Variants in MECOM observed in about 807,000 individuals in gnomAD.
The protein encoded by MECOM is histone-lysine N-methyltransferase MECOM.
Under a neutral mutation model 116.3 loss-of-function variants are expected in MECOM, and 13 were observed. The observed-to-expected ratio is 0.11, with a 90% confidence interval of 0.07 to 0.18. MECOM has a LOEUF of 0.18. Among genes scored for constraint, MECOM ranks in the 10% least tolerant of loss-of-function variants. MECOM has a pLI of 1.00. For missense variants in MECOM, 1,299 were observed against 1,509.0 expected, an observed-to-expected ratio of 0.86 and a Z score of 2.31; for synonymous variants, 528 against 535.2, an observed-to-expected ratio of 0.99 and a Z score of 0.19.
intron 1 of MECOM, among the ~76,000 whole-genome samples, chr3:169,640,671 A>G (rs1279940638): frequency 1.3e-5 from 2 of 152,220 alleles, no homozygotes; most frequent in Non-Finnish European, 2.9e-5. Context: ...TGGAAACATC[A>G]CCACACCCTT....
At chr3:169,087,767 G>GT (rs1052734824) in intron 16 of MECOM, among the ~76,000 whole-genome samples, 3 of 152,040 alleles carry the variant, frequency 2.0e-5, no homozygotes, top group Non-Finnish European at 4.4e-5. Flanking sequence ...TACCTTTAAT[G>GT]TTAAAAACTG....
At chr3:169,482,586 G>C (rs551795472) in intron 1 of MECOM, among the ~76,000 whole-genome samples, 20 of 151,846 alleles carry the variant, frequency 1.3e-4, no homozygotes, top group Non-Finnish European at 2.5e-4. Context: ...CGCCCGCCTC[G>C]GCCTCCCAAA....
intron 1 of MECOM, among the ~76,000 whole-genome samples, chr3:169,401,510 T>C (rs1418547979): frequency 6.6e-6 from 1 of 152,106 alleles, no homozygotes; most frequent in African/African-American, 2.4e-5. Context: ...AACATTTCAG[T>C]AGAGAAGGAA....
chr3:169,516,665 A>G (rs898286442), intron 1 of MECOM, among the ~76,000 whole-genome samples: 1 of 152,166 alleles, frequency 6.6e-6, no homozygotes, highest in Admixed American at 6.5e-5. Flanking sequence ...GGTCTTTCCA[A>G]TTCCAGAACC....
intron 1 of MECOM, among the ~76,000 whole-genome samples, chr3:169,567,533 T>G (rs1416490073): frequency 1.3e-5 from 2 of 152,148 alleles, no homozygotes; most frequent in Non-Finnish European, 2.9e-5. Context: ...AGCAACCCAA[T>G]CCTTATAGAA....
intron 12 of MECOM, among the ~76,000 whole-genome samples, chr3:169,097,512 G>A (rs913048172): frequency 6.6e-6 from 1 of 152,094 alleles, no homozygotes; most frequent in African/African-American, 2.4e-5. Flanking sequence ...TTGAGATCAT[G>A]ATGTAAAATA....
At position 169,477,144 on chromosome 3, in the gene MECOM, T is replaced by C. The variant is rs1257528642; in HGVS notation, c.38-95620A>G. 6.6e-4 allele frequency: 28 copies of C among 42,386 alleles called. 1 individual carries two copies. The highest frequency in any genetic ancestry group is 3.2e-3 in the South Asian group (4 of 1,232). 2.6% of individuals were successfully genotyped at this position (42,386 alleles called of 1,614,324 possible). A position where few individuals can be genotyped will look rare whatever the true frequency, so the allele number is the denominator to read the frequency against. The stretch of plus-strand genomic sequence containing the variant: ...ATATATATATATATATATATATATA[T>C]ATATACACACACACACAATTTCATT... On this transcript the variant is annotated intron_variant, in intron 1 of 16. Transcript: ENST00000651503.
At chr3:169,184,561 T>C (rs910077796) in intron 2 of MECOM, among the ~76,000 whole-genome samples, 5 of 152,156 alleles carry the variant, frequency 3.3e-5, no homozygotes, top group African/African-American at 9.7e-5. Context: ...CCAGAAATAT[T>C]GAACAAGTAA....
chr3:169,336,449 T>C (rs915870916), intron 2 of MECOM, among the ~76,000 whole-genome samples: 6 of 152,114 alleles, frequency 3.9e-5, no homozygotes, highest in Non-Finnish European at 5.9e-5. Flanking sequence ...TACACTATTT[T>C]TTTTTTACTG....
chr3:169,493,435 T>C (rs995908745), intron 1 of MECOM, among the ~76,000 whole-genome samples: 25 of 152,156 alleles, frequency 1.6e-4, no homozygotes, highest in Non-Finnish European at 3.5e-4. Context: ...AAAACCACAT[T>C]GCTGCCTCCT....
At chr3:169,489,091 A>C (rs892450879) in intron 1 of MECOM, among the ~76,000 whole-genome samples, 1 of 152,154 alleles carries the variant, frequency 6.6e-6, no homozygotes, top group East Asian at 1.9e-4. Context: ...TAGATAGACT[A>C]CTATGAACAA....
intron 1 of MECOM, among the ~76,000 whole-genome samples, chr3:169,455,011 G>A (rs1746237452): frequency 6.6e-6 from 1 of 152,102 alleles, no homozygotes; most frequent in South Asian, 2.1e-4. Context: ...GTGTCATCAT[G>A]TCTGAGCAAG....
Position 169,381,471 on chromosome 3 carries a change from C to G in MECOM, c.91G>C (p.Asp31His), listed in dbSNP as rs1329169678. 1.2e-6 allele frequency: 2 copies of G among 1,613,286 alleles called. No homozygotes were observed. Among genetic ancestry groups the G allele is most frequent in the African/African-American group, 2.7e-5 (2 of 74,912 alleles). The change falls in exon 2 of 17, where the codon GAT becomes CAT. Residue 31 changes from aspartate (D) to histidine (H), a missense_variant. Physicochemically the swap from Asp to His is moderately conservative, Grantham distance 81. Around this residue, in one of 6 missense-constraint regions of MECOM, gnomAD observed 374 missense variants for 433.4 expected, o/e 0.86. Transcript: ENST00000651503. ...GGAGTGCTGGCTACTCCATCTGCATCTGGCATTTCTTCCAAAGGTATTTCA... is the reference window on the plus strand; with the variant it reads ...GGAGTGCTGGCTACTCCATCTGCATGTGGCATTTCTTCCAAAGGTATTTCA... ...YPEIPLEEMPDADGVASTPSL... is the reference protein window; with the variant it reads ...YPEIPLEEMPHADGVASTPSL...
chr3:169,287,802 A>G (rs1209996432), intron 2 of MECOM, among the ~76,000 whole-genome samples: 7 of 152,318 alleles, frequency 4.6e-5, no homozygotes, highest in Non-Finnish European at 8.8e-5. Flanking sequence ...ACTGTTCAGA[A>G]GGTTCCAGAA....
intron 2 of MECOM, among the ~76,000 whole-genome samples, chr3:169,197,745 G>T (rs1018162255): frequency 3.3e-5 from 5 of 151,938 alleles, no homozygotes; most frequent in African/African-American, 7.2e-5. Context: ...GTGAAGTGAT[G>T]AACTCAATAA....
intron 1 of MECOM, among the ~76,000 whole-genome samples, chr3:169,565,420 ACTCACTGTCTT>A (rs1418896324): frequency 7.2e-5 from 11 of 152,036 alleles, no homozygotes; most frequent in Admixed American, 1.3e-4. Flanking sequence ...CCCCCTCCTC[ACTCACTGTCTT>A]CTCACCATTA....
rs530361189 is a variant in MECOM, at chr3:169,580,337, G to A, written c.37+82999C>T. 4.6e-5 allele frequency among the ~76,000 whole-genome samples: 7 copies of A among 152,186 alleles called. No individual in the cohort carries two copies. The South Asian group carries it at 1.5e-3, about 32-fold the overall frequency. On this transcript the variant is annotated intron_variant, in intron 1 of 16. Coordinates refer to ENST00000651503, the MANE Select transcript of MECOM (RefSeq NM_004991.4). ...TGGACCCATCACCCGAGCAGGGTAC[G>A]CTGTACCCAATGTGTAGTGTTTGGG...
At chr3:169,619,792 T>A (rs1359394494) in intron 1 of MECOM, among the ~76,000 whole-genome samples, 1 of 152,110 alleles carries the variant, frequency 6.6e-6, no homozygotes, top group Non-Finnish European at 1.5e-5. Flanking sequence ...AAAATATTAT[T>A]TATAAAAACA....
At chr3:169,472,633 A>AAAAGAAAAGG (rs1749680508) in intron 1 of MECOM, among the ~76,000 whole-genome samples, 3 of 60,338 alleles carry the variant, frequency 5.0e-5, no homozygotes, top group Admixed American at 1.9e-4. Context: ...AAAAGAAAAG[A>AAAAGAAAAGG]AAAGGAAAGG....
Sources: gnomAD v4.1 joint callset for allele counts (sites outside exome capture counted in the v4.1 genomes callset) on GRCh38, gnomAD v4.1.1 for gene constraint, gnomAD v4.1.1 regional missense constraint, MANE v1.5 for transcripts, NCBI Gene and HGNC (gene_info 2026-07-23, HGNC 2026-07-21) for gene names.